RASAL3: variants seen among roughly 807,000 people sequenced by gnomAD.
RASAL3 encodes the protein RAS protein activator like-3.
RASAL3 carries 74 observed loss-of-function variants against 105.5 expected under a neutral mutation model. The ratio of observed to expected loss-of-function variants is 0.70; its 90% CI spans 0.58 to 0.85. The LOEUF is 0.85. Among genes scored for constraint, RASAL3 ranks in the 40% least tolerant of loss-of-function variants. The pLI is 0.00. For synonymous variants in RASAL3, 579 were observed against 591.6 expected, an observed-to-expected ratio of 0.98 and a Z score of 0.31; for missense variants, 1,352 against 1,392.0, an observed-to-expected ratio of 0.97 and a Z score of 0.46.
rs199923468 is a variant in RASAL3, at chr19:15,464,099, T to C, written c.260A>G (p.Lys87Arg). 1.2e-4 allele frequency: 187 copies of C among 1,612,318 alleles called. No individual in the cohort carries two copies. In the African/African-American group the frequency reaches 2.2e-3, roughly 19 times the overall value. The stretch of plus-strand genomic sequence containing the variant: ...GTTCTTATGCCTCCCCCAGAGGGCC[T>C]TGGAGAGTCGAAGGCGACTGGTCCG... ...ESRTSRLRLS[K>R]ALWGRHKNPP... Residue 87 changes from lysine (K) to arginine (R), a missense_variant, in exon 2 of 18, where the codon AAG becomes AGG. This residue lies in a region of RASAL3 where 344 missense variants were observed against 339.6 expected (regional missense o/e 1.01). Coordinates refer to ENST00000343625, the MANE Select transcript of RASAL3 (RefSeq NM_022904.3).
intron 11 of RASAL3, among the ~76,000 whole-genome samples, chr19:15,455,678 T>G (rs1015934382): frequency 1.3e-5 from 2 of 152,244 alleles, no homozygotes; most frequent in African/African-American, 4.8e-5. Flanking sequence ...TTTTTACTTT[T>G]ATTTGGGACA....
In RASAL3 at chr19:15,462,950, C is replaced by CA. The variant is rs1250475472; in HGVS notation, c.328+1080dup. ...TGGGCAACAGAGCGAGACTCCATCT[C>CA]AAAAAAAAAATAAAAAAAATGCTGG... On this transcript the variant is annotated intron_variant, in intron 2 of 17. Coordinates refer to ENST00000343625, the MANE Select transcript of RASAL3 (RefSeq NM_022904.3). Among the ~76,000 whole-genome samples, 178 of 144,392 alleles carry CA rather than the reference C, an allele frequency of 1.2e-3. 1 individual carries two copies. The highest frequency in any genetic ancestry group is 7.1e-3 in the Middle Eastern group (2 of 282). The allele number at this position is 144,392 out of a possible 152,430, so 94.7% of individuals were successfully genotyped here.
rs551428910 is a variant in RASAL3 at position 15,457,316 on chromosome 19, C to T, written c.1407G>A (p.Val469=). 1.5e-6 allele frequency: 2 copies of T among 1,338,568 alleles called. No homozygotes were observed. The highest frequency in any genetic ancestry group is 1.6e-5 in the African/African-American group (1 of 64,074). 82.9% of individuals were successfully genotyped at this position (1,338,568 alleles called of 1,614,324 possible). A position where few individuals can be genotyped will look rare whatever the true frequency, so the allele number is the denominator to read the frequency against. The part of the protein sequence containing the change: ...KEELAAAMVR[V]LRATGRAQAL... Reference sequence around the variant, plus strand: ...CCTGCGCCCGGCCGGTGGCCCGCAGCACGCGCACCATGGCTGCCGCCAGCT... The same window carrying T: ...CCTGCGCCCGGCCGGTGGCCCGCAGTACGCGCACCATGGCTGCCGCCAGCT... Residue 469 remains valine, a synonymous_variant, in exon 9 of 18, where the codon GTG becomes GTA. Coordinates refer to ENST00000343625, the MANE Select transcript of RASAL3 (RefSeq NM_022904.3). The surrounding 1 kb of genome is among the most constrained non-coding windows in gnomAD (Gnocchi z 8.6).
At position 15,461,456 on chromosome 19, in the gene RASAL3, G is replaced by T; in HGVS notation, c.465+15C>A. The T allele has an allele frequency of 6.5e-7, 1 of 1,546,504 alleles. No individual in the cohort carries two copies. Among genetic ancestry groups the T allele is most frequent in the Non-Finnish European group, 8.7e-7 (1 of 1,144,428 alleles). On this transcript the variant is annotated intron_variant, in intron 3 of 17. Coordinates refer to ENST00000343625, the MANE Select transcript of RASAL3 (RefSeq NM_022904.3). ...CTTTCTTCCCTCCTCCCCTTTCCCA[G>T]GTGCCCCCTCTCACCTCCTCCTCTC...
rs566670579 is a variant in RASAL3 at position 15,451,813 on chromosome 19, G to A, written c.3018C>T (p.Leu1006=). The A allele has an allele frequency of 1.6e-4, 260 of 1,599,478 alleles. 4 individuals carry two copies. The South Asian group carries it at 2.7e-3, about 17-fold the overall frequency. ...SQPQPLKAPC[L]NGDTT Reference sequence around the variant, plus strand: ...GGGCAGCTCAGGTGGTGTCTCCATTGAGGCAGGGTGCTTTGAGGGGCTGGG... The same window carrying A: ...GGGCAGCTCAGGTGGTGTCTCCATTAAGGCAGGGTGCTTTGAGGGGCTGGG... Residue 1006 remains leucine, a synonymous_variant, in exon 18 of 18, where the codon CTC becomes CTT. Coordinates refer to ENST00000343625, the MANE Select transcript of RASAL3 (RefSeq NM_022904.3).
chr19:15,462,264 A>G (rs977219235), intron 2 of RASAL3, among the ~76,000 whole-genome samples: 18 of 152,082 alleles, frequency 1.2e-4, no homozygotes, highest in South Asian at 4.1e-4. Flanking sequence ...AGGCGGGTGG[A>G]TCATCTGAGG....
At chr19:15,461,001 T>C in intron 5 of RASAL3, 59 bp downstream of exon 5, 1 of 1,535,210 alleles carries the variant, frequency 6.5e-7, no homozygotes, top group Non-Finnish European at 9.0e-7. Context: ...CCTTTCAGCT[T>C]TGAGGGTCCG....
At chr19:15,452,576 G>C in intron 16 of RASAL3, 82 bp downstream of exon 16, 1 of 32,880 alleles carries the variant, frequency 3.0e-5, no homozygotes, top group Admixed American at 5.3e-4. Flanking sequence ...GGCGTGGTTT[G>C]GGGGGGGGGG....
Position 15,453,612 on chromosome 19 carries a change from T to G in RASAL3, c.2280-115A>C. ...TGAACTTGTCCTTTCTTTTTTTTTT[T>G]TGAGACAAGGTCTTGCTCTGTCGCC... On this transcript the variant is annotated intron_variant, in intron 14 of 17. Transcript: ENST00000343625. This position sits in a 1 kb window ranked among gnomAD's most constrained non-coding sequence, Gnocchi z 4.2. 2 of 1,096,114 alleles carry G rather than the reference T, an allele frequency of 1.8e-6. No homozygotes were observed. The highest frequency in any genetic ancestry group is 2.5e-6 in the Non-Finnish European group (2 of 809,728). 67.9% of individuals were successfully genotyped at this position (1,096,114 alleles called of 1,614,324 possible).
Position 15,457,626 on chromosome 19 carries a change from A to C in RASAL3, c.1097T>G (p.Leu366Arg). The C allele has an allele frequency of 1.4e-6, 2 of 1,396,088 alleles. No individual in the cohort carries two copies. Among genetic ancestry groups the C allele is most frequent in the Non-Finnish European group, 1.9e-6 (2 of 1,073,544 alleles). 86.5% of individuals were successfully genotyped at this position (1,396,088 alleles called of 1,614,324 possible). ...GCCCAAGCCGCGCAGCCGCAGCGAC[A>C]GGCGACGTGCCGGTGGCAGCGCCTC... The part of the protein sequence containing the change: ...HFEALPPARR[L>R]SLRLRGLGPG... Residue 366 changes from leucine (L) to arginine (R), a missense_variant, in exon 9 of 18, where the codon CTG becomes CGG. Around this residue, in one of 3 missense-constraint regions of RASAL3, gnomAD observed 920 missense variants for 919.6 expected, o/e 1.00. Transcript: ENST00000343625. The surrounding 1 kb of genome is among the most constrained non-coding windows in gnomAD (Gnocchi z 8.6).
Position 15,451,737 on chromosome 19 carries a change from C to T in RASAL3, c.*58G>A. On this transcript the variant is annotated 3_prime_UTR_variant, in exon 18 of 18. Coordinates refer to ENST00000343625, the MANE Select transcript of RASAL3 (RefSeq NM_022904.3). ...GGGCTAAGGCAAAGTCAGACACCCC[C>T]CCTAAGATGGCTATCTCTCTGCTCC... 1.3e-6 allele frequency: 2 copies of T among 1,539,600 alleles called. No individual in the cohort carries two copies. Among genetic ancestry groups the T allele is most frequent in the Non-Finnish European group, 1.8e-6 (2 of 1,135,416 alleles).
In RASAL3 at chr19:15,464,192, A is replaced by G. The variant is rs1970602618; in HGVS notation, c.167T>C (p.Met56Thr). 5.0e-6 allele frequency: 8 copies of G among 1,611,926 alleles called. No individual in the cohort carries two copies. The highest frequency in any genetic ancestry group is 6.8e-6 in the Non-Finnish European group (8 of 1,179,470). The part of the protein sequence containing the change: ...WGRALSHQEP[M>T]VSTQPAPRSI... ...GCGAGGGGCTGGCTGGGTGCTGACCATGGGCTCCTGGTGGCTCAGGGCCCT... is the reference window on the plus strand; with the variant it reads ...GCGAGGGGCTGGCTGGGTGCTGACCGTGGGCTCCTGGTGGCTCAGGGCCCT... Residue 56 changes from methionine (M) to threonine (T), a missense_variant, in exon 2 of 18, where the codon ATG becomes ACG. By Grantham distance (81) the Met-to-Thr change is moderately conservative. Coordinates refer to ENST00000343625, the MANE Select transcript of RASAL3 (RefSeq NM_022904.3).
chr19:15,458,616 T>G lies in RASAL3; in HGVS notation c.702A>C (p.Thr234=). The G allele has an allele frequency of 6.2e-7, 1 of 1,613,184 alleles. No individual in the cohort carries two copies. Among genetic ancestry groups the G allele is most frequent in the Non-Finnish European group, 8.5e-7 (1 of 1,179,650 alleles). The stretch of plus-strand genomic sequence containing the variant: ...CGGCACCCAGGTCCAGTTCAGAGAG[T>G]GTGGCCAGCGACTCCCTAGAGCCCA... ...SALGSRESLA[T]LSELDLGAER... Residue 234 remains threonine (T), a synonymous_variant, in exon 7 of 18, where the codon ACA becomes ACC. Coordinates refer to ENST00000343625, the MANE Select transcript of RASAL3 (RefSeq NM_022904.3).
At position 15,458,670 on chromosome 19, in the gene RASAL3, G is replaced by C. The variant is rs1314614998; in HGVS notation, c.663-15C>G. On this transcript the variant is annotated splice_polypyrimidine_tract_variant and intron_variant, in intron 6 of 17. Coordinates refer to ENST00000343625, the MANE Select transcript of RASAL3 (RefSeq NM_022904.3). ...CACTGGGGGGTCTGGGAAGGGGGTG[G>C]GTGAGCACACCGTCATTCCTGCCTC... 6.2e-7 allele frequency: 1 copy of C among 1,610,678 alleles called. No homozygotes were observed. The highest frequency in any genetic ancestry group is 1.7e-5 in the Admixed American group (1 of 59,612).
At position 15,464,365 on chromosome 19, in the gene RASAL3, G is replaced by A; in HGVS notation, c.-7C>T. The A allele has an allele frequency of 1.3e-6, 2 of 1,567,574 alleles. No homozygotes were observed. Among genetic ancestry groups the A allele is most frequent in the African/African-American group, 1.5e-5 (1 of 67,752 alleles). On this transcript the variant is annotated 5_prime_UTR_variant, in exon 2 of 18. Transcript: ENST00000343625. ...TTGGCGACGGTGGGTCCATGGTTGG[G>A]GGGGGGGGTCTCCTGGGGGACGAGA...
chr19:15,455,552 C>CTTGGGGTCAGTGGTGA (rs1181668777), intron 11 of RASAL3, among the ~76,000 whole-genome samples: 1 of 152,178 alleles, frequency 6.6e-6, no homozygotes, highest in Non-Finnish European at 1.5e-5. Context: ...TCTCAGGTTA[C>CTTGGGGTCAGTGGTGA]TTGGGGTCAG....
At chr19:15,455,654 G>A (rs1184754272) in intron 11 of RASAL3, among the ~76,000 whole-genome samples, 1 of 152,150 alleles carries the variant, frequency 6.6e-6, no homozygotes, top group East Asian at 1.9e-4. Context: ...ATAACGGAGT[G>A]ATTTTTATTT....
In RASAL3 at chr19:15,451,986, C is replaced by CCG. The variant is rs770917977; in HGVS notation, c.2893-50_2893-49dup. The CCG allele has an allele frequency of 7.7e-5, 125 of 1,613,480 alleles. No homozygotes were observed. In the Admixed American group the frequency reaches 2.0e-3, roughly 26 times the overall value. On this transcript the variant is annotated intron_variant, in intron 17 of 17. Transcript: ENST00000343625. ...GTTCAGAAACCAGGAGAGGGCTGCA[C>CCG]CGCAACCCTTGCTCCTCCACCGCCC... is the stretch of plus-strand genomic sequence containing the variant.
chr19:15,462,535 T>G (rs1051583200), intron 2 of RASAL3, among the ~76,000 whole-genome samples: 4 of 142,698 alleles, frequency 2.8e-5, no homozygotes, highest in African/African-American at 1.1e-4. Flanking sequence ...CAGTGAGAAT[T>G]AAATGAGCTT....
Sources: allele counts gnomAD v4.1 joint callset (sites outside exome capture counted in the v4.1 genomes callset), GRCh38; gene constraint gnomAD v4.1.1; regional missense constraint gnomAD v4.1.1; non-coding constraint Gnocchi (gnomAD v3.1); transcripts MANE v1.5; gene names NCBI Gene and HGNC (gene_info 2026-07-23, HGNC 2026-07-21).